The following MIA2 variants were observed in gnomAD, a reference collection of about 807,000 sequenced individuals.
MIA2 encodes the protein melanoma inhibitory activity protein 2.
Under a neutral mutation model 167.8 loss-of-function variants are expected in MIA2, and 127 were observed. That is an observed-to-expected ratio of 0.76 (90% confidence interval 0.66 to 0.88). The LOEUF (loss-of-function observed/expected upper bound fraction) is 0.88. Among genes scored for constraint, MIA2 ranks in the 40% least tolerant of loss-of-function variants. MIA2 has a pLI of 0.00. For synonymous variants in MIA2, 552 were observed against 541.9 expected (o/e 1.02, Z -0.26); for missense variants, 1,690 against 1,624.7 (o/e 1.04, Z -0.69).
At chr14:39,314,872 T>G in intron 20 of MIA2, 73 bp downstream of exon 20, 1 of 1,125,592 alleles carries the variant, frequency 8.9e-7, no homozygotes, top group South Asian at 2.6e-5. Context: ...CTGATTTCTT[T>G]GAATTGATGC....
chr14:39,298,443 A>ATATATATATATATATATATATGTGT (rs1372100362), intron 13 of MIA2, among the ~76,000 whole-genome samples: 1 of 50,056 alleles, frequency 2.0e-5, no homozygotes. Flanking sequence ...ATATATATAT[A>ATATATATATATATATATATATGTGT]AAGATTAGTT....
intron 8 of MIA2, 37 bp downstream of exon 8, chr14:39,279,395 G>A: frequency 5.6e-6 from 9 of 1,606,300 alleles, no homozygotes; most frequent in Non-Finnish European, 7.6e-6. Flanking sequence ...TCATTGTTGT[G>A]TTGTAAAAAC....
chr14:39,341,343 T>TA (rs2071791152), intron 25 of MIA2, among the ~76,000 whole-genome samples: 5 of 151,926 alleles, frequency 3.3e-5, no homozygotes, highest in Non-Finnish European at 7.4e-5. Context: ...AATAAATAAA[T>TA]GATGGATAAT....
chr14:39,367,339 G>T (rs2074843713), intron 23 of MIA2, among the ~76,000 whole-genome samples: 1 of 152,196 alleles, frequency 6.6e-6, no homozygotes, highest in Non-Finnish European at 1.5e-5. Context: ...AGGGGCTGTT[G>T]AGCCCTAGAG....
intron 6 of MIA2, among the ~76,000 whole-genome samples, chr14:39,274,159 T>A (rs971453352): frequency 1.6e-4 from 24 of 152,212 alleles, no homozygotes; most frequent in Admixed American, 1.1e-3. Flanking sequence ...GTTCTGTGAT[T>A]AATCACTACC....
At chr14:39,361,188 T>C (rs576057852) in intron 23 of MIA2, among the ~76,000 whole-genome samples, 3 of 152,338 alleles carry the variant, frequency 2.0e-5, no homozygotes, top group African/African-American at 4.8e-5. Context: ...TGAAAAATTA[T>C]GTTGGTATTT....
At position 39,291,088 on chromosome 14, in the gene MIA2, A is replaced by C. The variant is rs1402848396; in HGVS notation, c.2200A>C (p.Ser734Arg). ...SFEKEATEAQ[S>R]LEATCEKLNR... is the part of the protein sequence containing the mutation. ...TGAGAAGGAGGCAACAGAAGCACAA[A>C]GTTTGGAGGTAGAAAATCAAATGGT... Residue 734 changes from serine (S) to arginine (R), a missense_variant, in exon 10 of 29, where the codon AGT becomes CGT. Transcript: ENST00000640607. 1 of 1,601,610 alleles carries C rather than the reference A, an allele frequency of 6.2e-7. No homozygotes were observed. The highest frequency in any genetic ancestry group is 1.8e-5 in the Admixed American group (1 of 56,746).
chr14:39,302,331 T>G (rs2062656545), intron 15 of MIA2, 82 bp downstream of exon 15: 3 of 1,481,424 alleles, frequency 2.0e-6, no homozygotes, highest in African/African-American at 2.8e-5. Flanking sequence ...GTGCACCATG[T>G]TCTTTATATG....
At chr14:39,238,811 A>AAAACAAAAAAAAAAAC in intron 2 of MIA2, among the ~76,000 whole-genome samples, 12 of 103,624 alleles carry the variant, frequency 1.2e-4, no homozygotes, top group East Asian at 2.8e-4. Context: ...AAAAAAAAAA[A>AAAACAAAAAAAAAAAC]CCCAAAAAAC....
intron 3 of MIA2, among the ~76,000 whole-genome samples, chr14:39,241,407 T>C (rs2054033134): frequency 6.6e-6 from 1 of 152,190 alleles, no homozygotes; most frequent in African/African-American, 2.4e-5. Context: ...TAATAATTGG[T>C]CCTGTCAGTT....
intron 25 of MIA2, among the ~76,000 whole-genome samples, chr14:39,345,674 A>G (rs1032365936): frequency 3.9e-5 from 6 of 152,192 alleles, no homozygotes; most frequent in Non-Finnish European, 8.8e-5. Context: ...ACACATAGTA[A>G]TTGAAATTTT....
rs1202309652 is a variant in MIA2, at chr14:39,277,714, ATGTG to A, written c.2019+653_2019+656del. 1.7e-3 allele frequency among the ~76,000 whole-genome samples: 6 copies of A among 3,630 alleles called. 1 individual carries two copies. The highest frequency in any genetic ancestry group is 9.8e-3 in the African/African-American group (6 of 612). 2.4% of individuals were successfully genotyped at this position (3,630 alleles called of 152,430 possible). On this transcript the variant is annotated intron_variant, in intron 7 of 28. Coordinates refer to ENST00000640607, the MANE Select transcript of MIA2 (RefSeq NM_001329214.4). ...TGTGTATATATATATATATATATAT[ATGTG>A]TGTATATATATATATATATATATAT...
At chr14:39,258,528 C>T (rs35201135) in intron 6 of MIA2, among the ~76,000 whole-genome samples, 41,700 of 152,032 alleles carry the variant, frequency 0.27, 5,931 homozygotes, top group East Asian at 0.5. Context: ...TGGGTTAGAA[C>T]ATGCTCCTTT....
intron 6 of MIA2, among the ~76,000 whole-genome samples, chr14:39,275,156 T>TGTGTGTGTGTGTGTGTGTGTGG (rs2057802411): frequency 6.6e-6 from 1 of 150,456 alleles, no homozygotes; most frequent in Non-Finnish European, 1.5e-5. Flanking sequence ...TGTGTGTGTG[T>TGTGTGTGTGTGTGTGTGTGTGG]GTGTGTGTGT....
chr14:39,263,207 TG>T (rs2055214127), intron 6 of MIA2, among the ~76,000 whole-genome samples: 2 of 152,184 alleles, frequency 1.3e-5, no homozygotes. Flanking sequence ...CCTAGTTTAT[TG>T]AGAGTTTTTA....
At chr14:39,312,424 T>G (rs1178558415) in intron 18 of MIA2, among the ~76,000 whole-genome samples, 2 of 152,236 alleles carry the variant, frequency 1.3e-5, no homozygotes, top group East Asian at 3.8e-4. Context: ...TAATGTAGTG[T>G]GTAGAATACA....
At chr14:39,349,058 A>G in intron 28 of MIA2, 81 bp downstream of exon 28, 1 of 1,488,716 alleles carries the variant, frequency 6.7e-7, no homozygotes, top group Non-Finnish European at 9.2e-7. Context: ...CTGTTAATGT[A>G]GTAACACAGT....
intron 6 of MIA2, among the ~76,000 whole-genome samples, chr14:39,264,316 T>C (rs1310673299): frequency 1.3e-5 from 2 of 152,238 alleles, no homozygotes; most frequent in Non-Finnish European, 2.9e-5. Flanking sequence ...ATCGTGTATA[T>C]GTACCACATT....
At chr14:39,311,652 A>ATT (rs34637973) in intron 18 of MIA2, among the ~76,000 whole-genome samples, 12 of 148,486 alleles carry the variant, frequency 8.1e-5, no homozygotes, top group Admixed American at 1.3e-4. Context: ...TTATTTATTT[A>ATT]TTTTTTTTTG....
Sources: gnomAD v4.1 joint callset for allele counts (sites outside exome capture counted in the v4.1 genomes callset) on GRCh38, gnomAD v4.1.1 for gene constraint, MANE v1.5 for transcripts, NCBI Gene and HGNC (gene_info 2026-07-23, HGNC 2026-07-21) for gene names.